GAN: variants seen among roughly 807,000 people sequenced by gnomAD.
The protein encoded by GAN is epididymis secretory sperm binding protein.
GAN carries 48 observed loss-of-function variants against 71.3 expected under a neutral mutation model. The observed-to-expected ratio is 0.67, with a 90% confidence interval of 0.53 to 0.86. The LOEUF (loss-of-function observed/expected upper bound fraction) is 0.86. GAN is among the 40% of genes least tolerant of loss of function. The pLI, the probability that GAN is intolerant of heterozygous loss-of-function variation, is 0.00. For synonymous variants in GAN, 386 were observed against 276.8 expected (o/e 1.39, Z -3.92); for missense variants, 928 against 770.1 (o/e 1.21, Z -2.43).
In GAN at chr16:81,383,784, G is replaced by A. The variant is rs1462019882; in HGVS notation, c.*6188G>A. ...ACACACAGAGTCCGGGGGACACACGGCCTTAAGATGAAGTGAACGAGTAGA... is the reference window on the plus strand; with the variant it reads ...ACACACAGAGTCCGGGGGACACACGACCTTAAGATGAAGTGAACGAGTAGA... On this transcript the variant is annotated 3_prime_UTR_variant, in exon 11 of 11. Coordinates refer to ENST00000648994, the MANE Select transcript of GAN (RefSeq NM_022041.4). The A allele has an allele frequency of 6.6e-6, 1 of 152,048 alleles. No homozygotes were observed. The highest frequency in any genetic ancestry group is 2.1e-4 in the South Asian group (1 of 4,826). The allele number at this position is 152,048 out of a possible 1,614,324, so 9.4% of individuals were successfully genotyped here. A position where few individuals can be genotyped will look rare whatever the true frequency, so the allele number is the denominator to read the frequency against.
chr16:81,383,163 C>T lies in GAN; in HGVS notation c.*5567C>T, dbSNP rs1395411819. 6.6e-6 allele frequency: 1 copy of T among 150,868 alleles called. No individual in the cohort carries two copies. Among genetic ancestry groups the T allele is most frequent in the Non-Finnish European group, 1.5e-5 (1 of 67,840 alleles). The allele number at this position is 150,868 out of a possible 1,614,324, so 9.3% of individuals were successfully genotyped here. On this transcript the variant is annotated 3_prime_UTR_variant, in exon 11 of 11. Transcript: ENST00000648994. ...AAGTGATTGGATTTTTAAACCCCTTCCCCTTTTCATGAAATTAAACATCAA... is the reference window on the plus strand; with the variant it reads ...AAGTGATTGGATTTTTAAACCCCTTTCCCTTTTCATGAAATTAAACATCAA...
intron 1 of GAN, among the ~76,000 whole-genome samples, chr16:81,318,431 G>A (rs943732557): frequency 2.0e-5 from 3 of 152,188 alleles, no homozygotes; most frequent in African/African-American, 7.2e-5. Flanking sequence ...GAGAGGTGGA[G>A]GCGGGAGGAT....
intron 9 of GAN, among the ~76,000 whole-genome samples, chr16:81,370,884 C>T (rs1911016309): frequency 6.6e-6 from 1 of 152,226 alleles, no homozygotes; most frequent in South Asian, 2.1e-4. Flanking sequence ...AGGTAGAATT[C>T]TAGATTACTT....
At chr16:81,326,247 G>A (rs747202217) in intron 1 of GAN, among the ~76,000 whole-genome samples, 5 of 152,084 alleles carry the variant, frequency 3.3e-5, no homozygotes, top group Non-Finnish European at 5.9e-5. Context: ...GTTGGGTGCC[G>A]TGGCTCAAGC....
At chr16:81,322,311 C>T (rs189064354) in intron 1 of GAN, among the ~76,000 whole-genome samples, 192 of 152,284 alleles carry the variant, frequency 1.3e-3, no homozygotes, top group African/African-American at 4.3e-3. Flanking sequence ...TTGGTTATCT[C>T]CAGTGTTCAC....
intron 1 of GAN, among the ~76,000 whole-genome samples, chr16:81,315,765 C>T (rs1302050921): frequency 6.6e-6 from 1 of 152,254 alleles, no homozygotes; most frequent in Non-Finnish European, 1.5e-5. Context: ...GGGGCTGGGC[C>T]GGCGCCGCCA....
chr16:81,350,456 A>C (rs1378126583), intron 1 of GAN, among the ~76,000 whole-genome samples: 1 of 152,206 alleles, frequency 6.6e-6, no homozygotes, highest in Non-Finnish European at 1.5e-5. Context: ...TAAGTAGCAT[A>C]ATTCTACTCC....
At chr16:81,360,068 T>G (rs12923279) in intron 5 of GAN, among the ~76,000 whole-genome samples, 7 of 145,816 alleles carry the variant, frequency 4.8e-5, no homozygotes, top group African/African-American at 1.8e-4. Flanking sequence ...GATGGATGGA[T>G]AGATGGATGG....
chr16:81,344,185 C>T (rs928997104), intron 1 of GAN, among the ~76,000 whole-genome samples: 1 of 152,154 alleles, frequency 6.6e-6, no homozygotes, highest in Admixed American at 6.5e-5. Context: ...GGCCTTACTG[C>T]CCAAAGTAAT....
chr16:81,338,550 G>A (rs573388503), intron 1 of GAN, among the ~76,000 whole-genome samples: 30 of 152,230 alleles, frequency 2.0e-4, no homozygotes, highest in Non-Finnish European at 3.5e-4. Context: ...AATCTAAGGC[G>A]AAAATGTTTT....
chr16:81,374,475 C>T (rs7194186), intron 9 of GAN, among the ~76,000 whole-genome samples: 99,802 of 152,110 alleles, frequency 0.66, 32,937 homozygotes, highest in East Asian at 0.75. Context: ...TGATTTTGTT[C>T]CCGTCATTCC....
At chr16:81,325,013 A>G (rs1909336502) in intron 1 of GAN, among the ~76,000 whole-genome samples, 1 of 151,966 alleles carries the variant, frequency 6.6e-6, no homozygotes, top group South Asian at 2.1e-4. Context: ...AGGGCAGACC[A>G]GGGATGACTC....
intron 1 of GAN, among the ~76,000 whole-genome samples, chr16:81,328,594 G>C (rs1270501381): frequency 1.3e-5 from 2 of 151,414 alleles, no homozygotes; most frequent in Non-Finnish European, 2.9e-5. Flanking sequence ...GTGAAGCCAG[G>C]TTACTGTCCA....
Position 81,383,638 on chromosome 16 carries a change from A to G in GAN, c.*6042A>G, listed in dbSNP as rs1374143239. The G allele has an allele frequency of 2.0e-5, 3 of 151,904 alleles. No homozygotes were observed. Among genetic ancestry groups the G allele is most frequent in the Admixed American group, 6.6e-5 (1 of 15,256 alleles). The allele number at this position is 151,904 out of a possible 1,614,324, so 9.4% of individuals were successfully genotyped here. A position where few individuals can be genotyped will look rare whatever the true frequency, so the allele number is the denominator to read the frequency against. ...ATTTGGCCTGATTATAAATGTTGAT[A>G]ATAATTTCTTCCTGGCTCAACAAAG... On this transcript the variant is annotated 3_prime_UTR_variant, in exon 11 of 11. Transcript: ENST00000648994.
chr16:81,365,512 CT>C, intron 9 of GAN, 34 bp downstream of exon 9: 1 of 1,602,200 alleles, frequency 6.2e-7, no homozygotes, highest in Non-Finnish European at 8.5e-7. Context: ...GCTACTGCAA[CT>C]TTTTCTTTGT....
At chr16:81,350,034 C>G (rs1910246458) in intron 1 of GAN, among the ~76,000 whole-genome samples, 1 of 151,454 alleles carries the variant, frequency 6.6e-6, no homozygotes, top group African/African-American at 2.4e-5. Flanking sequence ...AAGCATTGAC[C>G]GAAAAATTGT....
intron 9 of GAN, among the ~76,000 whole-genome samples, chr16:81,376,618 G>GTATA (rs1226256166): frequency 6.7e-6 from 1 of 149,200 alleles, no homozygotes; most frequent in African/African-American, 2.5e-5. Flanking sequence ...GTATGTATAT[G>GTATA]TATATATACA....
At chr16:81,348,061 C>G (rs963051749) in intron 1 of GAN, among the ~76,000 whole-genome samples, 7 of 152,130 alleles carry the variant, frequency 4.6e-5, no homozygotes, top group African/African-American at 1.4e-4. Context: ...CTGTGTTGCC[C>G]AGTCTGGTCT....
In GAN at chr16:81,379,167, C is replaced by T. The variant is rs1467569322; in HGVS notation, c.*1571C>T. On this transcript the variant is annotated 3_prime_UTR_variant, in exon 11 of 11. Coordinates refer to ENST00000648994, the MANE Select transcript of GAN (RefSeq NM_022041.4). ...TCTTCTAGAAACTTCCTGTATGGAA[C>T]GTTTATATGCAATTAACATGCATAT... The T allele has an allele frequency of 6.6e-6, 1 of 152,058 alleles. No homozygotes were observed. Among genetic ancestry groups the T allele is most frequent in the East Asian group, 1.9e-4 (1 of 5,202 alleles). 9.4% of individuals were successfully genotyped at this position (152,058 alleles called of 1,614,324 possible). A position where few individuals can be genotyped will look rare whatever the true frequency, so the allele number is the denominator to read the frequency against.
Sources: gnomAD v4.1 joint callset for allele counts (sites outside exome capture counted in the v4.1 genomes callset) on GRCh38, gnomAD v4.1.1 for gene constraint, MANE v1.5 for transcripts, NCBI Gene and HGNC (gene_info 2026-07-23, HGNC 2026-07-21) for gene names.